The following LARGE1 variants were observed in gnomAD, a reference collection of about 807,000 sequenced individuals.
LARGE1 encodes LARGE xylosyl- and glucuronyltransferase 1.
LARGE1 carries 43 observed loss-of-function variants against 87.6 expected under a neutral mutation model. That is an observed-to-expected ratio of 0.49 (90% confidence interval 0.38 to 0.63). LARGE1 has a LOEUF of 0.63. Ranked by LOEUF, LARGE1 falls within the 30% of genes least tolerant of loss-of-function variation. LARGE1 has a pLI of 0.00. For synonymous variants in LARGE1, 434 were observed against 394.6 expected (o/e 1.10, Z -1.18); for missense variants, 802 against 1,000.2 (o/e 0.80, Z 2.67).
intron 4 of LARGE1, among the ~76,000 whole-genome samples, chr22:33,609,790 T>A (rs530619930): frequency 5.6e-4 from 85 of 152,280 alleles, no homozygotes; most frequent in African/African-American, 2.0e-3. Flanking sequence ...GGATCCCTCA[T>A]GGCTTGGTGC....
intron 2 of LARGE1, among the ~76,000 whole-genome samples, chr22:33,663,021 T>TTTTA (rs2081174207): frequency 6.6e-6 from 1 of 151,950 alleles, no homozygotes; most frequent in African/African-American, 2.4e-5. Context: ...AGTATCTATA[T>TTTTA]TAGAAAAAGA....
intron 11 of LARGE1, among the ~76,000 whole-genome samples, chr22:33,186,182 A>C (rs1204772690): frequency 6.6e-6 from 1 of 152,208 alleles, no homozygotes; most frequent in East Asian, 1.9e-4. Context: ...TAATGCCAGA[A>C]TAATACTGAT....
Position 33,377,325 on chromosome 22 carries a change from A to G in LARGE1, c.1131+4594T>C, listed in dbSNP as rs541793113. On this transcript the variant is annotated intron_variant, in intron 9 of 14. Coordinates refer to ENST00000397394, the MANE Select transcript of LARGE1 (RefSeq NM_133642.5). ...ACGTCTGCCCAGCAACTGCCTGTCC[A>G]GTCTTGGACTGGTGTCAACTTTGTT... 7.9e-5 allele frequency among the ~76,000 whole-genome samples: 12 copies of G among 152,370 alleles called. No homozygotes were observed. In the East Asian group the frequency reaches 1.7e-3, roughly 22 times the overall value.
At chr22:33,138,292 G>A in the LARGE1 span, among the ~76,000 whole-genome samples, 1 of 152,104 alleles carries the variant, frequency 6.6e-6, no homozygotes, top group African/African-American at 2.4e-5. Flanking sequence ...CTTTGTTTTG[G>A]CCAATTTTTT....
intron 2 of LARGE1, among the ~76,000 whole-genome samples, chr22:33,713,930 T>C (rs1603226641): frequency 6.6e-6 from 1 of 152,208 alleles, no homozygotes; most frequent in East Asian, 1.9e-4. Flanking sequence ...CACTCCAGCC[T>C]GGGTGACAGC....
chr22:33,730,484 T>A (rs952787826), intron 2 of LARGE1, among the ~76,000 whole-genome samples: 1 of 152,306 alleles, frequency 6.6e-6, no homozygotes, highest in East Asian at 1.9e-4. Context: ...ACACCTACTA[T>A]GTATCCATAA....
intron 4 of LARGE1, among the ~76,000 whole-genome samples, chr22:33,607,470 A>AAAAAG (rs979531953): frequency 6.6e-6 from 1 of 151,160 alleles, no homozygotes; most frequent in Non-Finnish European, 1.5e-5. Flanking sequence ...TCAAAAAAAA[A>AAAAAG]AAAAAAAAAA....
At chr22:33,791,343 G>A (rs568156082) in intron 1 of LARGE1, among the ~76,000 whole-genome samples, 8 of 152,260 alleles carry the variant, frequency 5.3e-5, no homozygotes, top group African/African-American at 1.7e-4. Flanking sequence ...CTTTGGGGCC[G>A]TATACCCTAG....
chr22:33,414,135 C>T (rs901704625), intron 7 of LARGE1, among the ~76,000 whole-genome samples: 5 of 151,838 alleles, frequency 3.3e-5, no homozygotes, highest in Non-Finnish European at 5.9e-5. Flanking sequence ...CCATAGTGGC[C>T]GCATCATTCT....
chr22:33,624,150 T>C (rs998201191), intron 4 of LARGE1, among the ~76,000 whole-genome samples: 2 of 152,210 alleles, frequency 1.3e-5, no homozygotes, highest in African/African-American at 4.8e-5. Context: ...AATTAACTGA[T>C]TGAATATATA....
intron 1 of LARGE1, among the ~76,000 whole-genome samples, chr22:33,891,712 T>G (rs1176999305): frequency 1.3e-5 from 2 of 152,208 alleles, no homozygotes; most frequent in African/African-American, 4.8e-5. Context: ...TAAAATTCTT[T>G]GTGATAAGCA....
chr22:33,383,193 G>A (rs2065213679), intron 8 of LARGE1, among the ~76,000 whole-genome samples: 1 of 152,116 alleles, frequency 6.6e-6, no homozygotes, highest in South Asian at 2.1e-4. Context: ...GAGTGATCCT[G>A]GTAGACTCAA....
intron 1 of LARGE1, among the ~76,000 whole-genome samples, chr22:33,846,846 C>G: frequency 6.6e-6 from 1 of 152,104 alleles, no homozygotes; most frequent in Non-Finnish European, 1.5e-5. Context: ...CTCTCAAAAC[C>G]CTGTCTCCTG....
chr22:33,218,363 G>T (rs1925306312), intron 11 of LARGE1, among the ~76,000 whole-genome samples: 1 of 152,034 alleles, frequency 6.6e-6, no homozygotes, highest in Admixed American at 6.6e-5. Flanking sequence ...ATGCCTATAT[G>T]CATACCATTG....
chr22:33,444,771 A>ATCAGAG (rs1211346997), intron 6 of LARGE1, among the ~76,000 whole-genome samples: 3 of 152,178 alleles, frequency 2.0e-5, no homozygotes, highest in African/African-American at 7.2e-5. Context: ...CTATATCAGA[A>ATCAGAG]TCAGAGTCTA....
At chr22:33,648,367 CTTTTT>C (rs992644781) in intron 3 of LARGE1, among the ~76,000 whole-genome samples, 2 of 152,118 alleles carry the variant, frequency 1.3e-5, no homozygotes, top group African/African-American at 4.8e-5. Context: ...TCCCCTTTTC[CTTTTT>C]TATTTTTCCC....
chr22:33,848,897 C>G (rs183782603), intron 1 of LARGE1, among the ~76,000 whole-genome samples: 1 of 152,178 alleles, frequency 6.6e-6, no homozygotes, highest in Admixed American at 6.5e-5. Context: ...TTTAAAGAAT[C>G]GAAAAGGCTA....
chr22:33,158,830 G>C (rs987667302), downstream of LARGE1, among the ~76,000 whole-genome samples: 24 of 152,182 alleles, frequency 1.6e-4, no homozygotes, highest in African/African-American at 5.8e-4. Context: ...ATGGCAGATA[G>C]AATAGGGTGG....
chr22:33,553,176 T>C (rs929101264), intron 6 of LARGE1, among the ~76,000 whole-genome samples: 1 of 152,124 alleles, frequency 6.6e-6, no homozygotes. Flanking sequence ...CTGAACTGTT[T>C]AGAGGTATGT....
Sources: allele counts gnomAD v4.1 joint callset (sites outside exome capture counted in the v4.1 genomes callset), GRCh38; gene constraint gnomAD v4.1.1; transcripts MANE v1.5; gene names NCBI Gene and HGNC (gene_info 2026-07-23, HGNC 2026-07-21).